FADS2: variants seen among roughly 807,000 people sequenced by gnomAD.
FADS2 encodes the protein fatty acid desaturase 2.
A neutral mutation model predicts 61.2 loss-of-function variants in FADS2; 18 were observed. That is an observed-to-expected ratio of 0.29 (90% CI 0.20 to 0.44). The LOEUF (loss-of-function observed/expected upper bound fraction) is 0.44. Among genes scored for constraint, FADS2 ranks in the 20% least tolerant of loss-of-function variants. FADS2 has a pLI of 1.00. For missense variants in FADS2, 322 were observed against 572.7 expected (o/e 0.56, Z 4.47); for synonymous variants, 203 against 223.9 (o/e 0.91, Z 0.83).
upstream of FADS2, chr11:61,828,133 G>T: frequency 1.5e-6 from 2 of 1,378,348 alleles, no homozygotes; most frequent in Admixed American, 3.2e-5. The surrounding 1 kb of genome is among the most constrained non-coding windows in gnomAD (Gnocchi z 6.4). Flanking sequence ...ATAGCGGGAG[G>T]GCTGAGGGAG....
At chr11:61,824,287 C>T (rs2067052553), upstream of FADS2, among the ~76,000 whole-genome samples, 1 of 150,868 alleles carries the variant, frequency 6.6e-6, no homozygotes, top group African/African-American at 2.4e-5. Context: ...GAGGCTGAGG[C>T]AGGAGAATCG....
intron 1 of FADS2, among the ~76,000 whole-genome samples, chr11:61,822,707 C>G (rs554599727): frequency 2.0e-5 from 3 of 152,092 alleles, no homozygotes; most frequent in Admixed American, 2.0e-4. Flanking sequence ...AATGATCTCT[C>G]TTTAAAATAA....
chr11:61,852,375 C>T (rs1477884081), intron 5 of FADS2, among the ~76,000 whole-genome samples: 1 of 152,204 alleles, frequency 6.6e-6, no homozygotes, highest in Non-Finnish European at 1.5e-5. Flanking sequence ...ATCGTTCTGC[C>T]TCAGCCTCCC....
upstream of FADS2, chr11:61,828,227 G>T: frequency 7.0e-7 from 1 of 1,433,118 alleles, no homozygotes; most frequent in Non-Finnish European, 9.1e-7. This position sits in a 1 kb window ranked among gnomAD's most constrained non-coding sequence, Gnocchi z 6.4. Flanking sequence ...GAGCGCAGGC[G>T]AGAAGGCTGG....
chr11:61,865,115 G>GA lies in FADS2; in HGVS notation c.1158-36dup, dbSNP rs1565338526. 3 of 1,594,400 alleles carry GA rather than the reference G, an allele frequency of 1.9e-6. No individual in the cohort carries two copies. In the South Asian group the frequency reaches 3.3e-5, roughly 18 times the overall value. On this transcript the variant is annotated intron_variant, in intron 10 of 11. Transcript: ENST00000278840. The surrounding 1 kb of genome is among the most constrained non-coding windows in gnomAD (Gnocchi z 4.1). ...GGAAGCGGGAGCAGCATGGCCCTCT[G>GA]AGTCCTCACGCTCTGCCCACCCTAC...
chr11:61,856,898 C>A, intron 5 of FADS2, 113 bp from the exon 6 acceptor site: 1 of 877,904 alleles, frequency 1.1e-6, no homozygotes, highest in Non-Finnish European at 1.9e-6. Flanking sequence ...AGGAAAGGGA[C>A]AGTGGTGTGC....
chr11:61,824,493 AGAAAGAAAG>A (rs1278076707), upstream of FADS2, among the ~76,000 whole-genome samples: 177 of 7,726 alleles, frequency 0.023, 13 homozygotes, highest in African/African-American at 0.026. Context: ...AGAGAGAGAA[AGAAAGAAAG>A]GAAAGAAAGA....
In FADS2 at chr11:61,865,486, C is replaced by T; in HGVS notation, c.1284-152C>T. 1 of 928,698 alleles carries T rather than the reference C, an allele frequency of 1.1e-6. No individual in the cohort carries two copies. The highest frequency in any genetic ancestry group is 1.6e-6 in the Non-Finnish European group (1 of 608,554). 57.5% of individuals were successfully genotyped at this position (928,698 alleles called of 1,614,324 possible). On this transcript the variant is annotated intron_variant, in intron 11 of 11. Transcript: ENST00000278840. The surrounding 1 kb of genome is among the most constrained non-coding windows in gnomAD (Gnocchi z 4.1). Reference sequence around the variant, plus strand: ...TGTGGGGTTCCTGGTGGGCTCTGAGCTGACAGCCCCACAGGCCCAGTGGCA... The same window carrying T: ...TGTGGGGTTCCTGGTGGGCTCTGAGTTGACAGCCCCACAGGCCCAGTGGCA...
In FADS2 at chr11:61,819,406, C is replaced by T. The variant is rs547347032; in HGVS notation, c.141+2980C>T. Reference sequence around the variant, plus strand: ...GCCTGAACAAAAGAAATCGGCTGGGCGTGGCGGCGTGCGCCTGTAGTCCCA... The same window carrying T: ...GCCTGAACAAAAGAAATCGGCTGGGTGTGGCGGCGTGCGCCTGTAGTCCCA... On this transcript the variant is annotated intron_variant, in intron 1 of 11. Transcript: ENST00000257261. 3.9e-5 allele frequency among the ~76,000 whole-genome samples: 6 copies of T among 152,114 alleles called. No individual in the cohort carries two copies. In the South Asian group the frequency reaches 1.0e-3, roughly 26 times the overall value.
At chr11:61,837,535 C>T (rs964771068) in intron 1 of FADS2, among the ~76,000 whole-genome samples, 1 of 152,172 alleles carries the variant, frequency 6.6e-6, no homozygotes, top group African/African-American at 2.4e-5. Context: ...TTCACAAACC[C>T]CTGGGGAGTG....
At chr11:61,853,054 C>T (rs2067321041) in intron 5 of FADS2, among the ~76,000 whole-genome samples, 1 of 152,088 alleles carries the variant, frequency 6.6e-6, no homozygotes, top group African/African-American at 2.4e-5. Flanking sequence ...ACTCTGGAGG[C>T]TGAGGCAAGA....
At position 61,816,412 on chromosome 11, in the gene FADS2, A is replaced by C; in HGVS notation, c.127A>C (p.Ile43Leu). The C allele has an allele frequency of 6.3e-7, 1 of 1,598,520 alleles. No homozygotes were observed. Among genetic ancestry groups the C allele is most frequent in the South Asian group, 1.1e-5 (1 of 91,074 alleles). Residue 43 changes from isoleucine (I) to leucine (L), a missense_variant, in exon 1 of 12, where the codon ATC (isoleucine) becomes CTC (leucine). Ile to Leu is a conservative substitution (Grantham distance 5, BLOSUM62 2). Transcript: ENST00000257261. The surrounding 1 kb of genome is among the most constrained non-coding windows in gnomAD (Gnocchi z 7.0). ...TCATCCCGCATCCGCAGGACACCCA[A>C]TCACCGGGCAACAGGTATGATCAGG...
chr11:61,864,826 G>C (rs654226), intron 10 of FADS2, among the ~76,000 whole-genome samples: 9,668 of 152,226 alleles, frequency 0.064, 450 homozygotes, highest in Non-Finnish European at 0.095. Flanking sequence ...GTGAGCCACC[G>C]TGCCTCACCT....
In FADS2 at chr11:61,816,787, C is replaced by G; in HGVS notation, c.141+361C>G. On this transcript the variant is annotated intron_variant, in intron 1 of 11. Coordinates refer to the FADS2 transcript ENST00000257261. The surrounding 1 kb of genome is among the most constrained non-coding windows in gnomAD (Gnocchi z 7.0). ...TGGCCTGGCGACGCCGCGCGCCGGG[C>G]CAGCAGGGGCTGTCAGGCGCGTGCT... is the stretch of plus-strand genomic sequence containing the variant. 3 of 1,511,726 alleles carry G rather than the reference C, an allele frequency of 2.0e-6. No individual in the cohort carries two copies. Among genetic ancestry groups the G allele is most frequent in the Non-Finnish European group, 2.6e-6 (3 of 1,137,260 alleles). The allele number at this position is 1,511,726 out of a possible 1,614,324, so 93.6% of individuals were successfully genotyped here.
chr11:61,839,940 TC>T (rs2135961353), intron 2 of FADS2, among the ~76,000 whole-genome samples: 1 of 152,350 alleles, frequency 6.6e-6, no homozygotes, highest in Non-Finnish European at 1.5e-5. Context: ...CAGAATTTCC[TC>T]CCTTTTCAAG....
In FADS2 at chr11:61,862,814, C is replaced by T. The variant is rs78860460; in HGVS notation, c.883-158C>T. 3,125 of 640,482 alleles carry T rather than the reference C, an allele frequency of 4.9e-3. 59 individuals carry two copies. Among genetic ancestry groups the T allele is most frequent in the African/African-American group, 0.046 (2,521 of 55,236 alleles). 39.7% of individuals were successfully genotyped at this position (640,482 alleles called of 1,614,324 possible). On this transcript the variant is annotated intron_variant, in intron 7 of 11. Transcript: ENST00000278840. ...GAAACAAAGGCAGCCATGCAAACCC[C>T]GAGCAAGCAGGTGGCGTGTAGTTGC...
intron 1 of FADS2, among the ~76,000 whole-genome samples, chr11:61,831,931 C>G (rs1189149571): frequency 6.6e-6 from 1 of 152,190 alleles, no homozygotes; most frequent in Non-Finnish European, 1.5e-5. Context: ...CACAGCAGTC[C>G]CACCACTGCA....
At chr11:61,837,681 C>A in intron 1 of FADS2, 97 bp from the exon 2 acceptor site, 1 of 797,366 alleles carries the variant, frequency 1.3e-6, no homozygotes. Flanking sequence ...TGTCTGGGTG[C>A]ACACATGGAG....
At chr11:61,862,696 C>T (rs1283807490) in intron 7 of FADS2, 2 of 459,030 alleles carry the variant, frequency 4.4e-6, no homozygotes, top group Non-Finnish European at 4.0e-6. Flanking sequence ...CCCACCCCTA[C>T]CCCATGGCTG....
Sources: allele counts gnomAD v4.1 joint callset (sites outside exome capture counted in the v4.1 genomes callset), GRCh38; gene constraint gnomAD v4.1.1; non-coding constraint Gnocchi (gnomAD v3.1); transcripts MANE v1.5; gene names NCBI Gene and HGNC (gene_info 2026-07-23, HGNC 2026-07-21).